Variants in LEO1 observed in about 807,000 individuals in gnomAD.
LEO1 encodes the protein RNA polymerase-associated protein LEO1.
In LEO1, 34 loss-of-function variants were observed where a neutral mutation model predicts 80.4. That is an observed-to-expected ratio of 0.42 (90% CI 0.32 to 0.56). The LOEUF (loss-of-function observed/expected upper bound fraction) is 0.56, where lower values mean the gene tolerates loss of function less well. Ranked by LOEUF, LEO1 falls within the 20% of genes least tolerant of loss-of-function variation. The pLI is 0.10. For synonymous variants in LEO1, 262 were observed against 274.9 expected, an observed-to-expected ratio of 0.95 and a Z score of 0.46; for missense variants, 631 against 814.2, an observed-to-expected ratio of 0.77 and a Z score of 2.74.
At chr15:51,963,751 A>C (rs1010813087) in intron 2 of LEO1, among the ~76,000 whole-genome samples, 1 of 151,924 alleles carries the variant, frequency 6.6e-6, no homozygotes. Context: ...CAAATACAAA[A>C]ATTAGCTGGG....
At chr15:51,960,176 T>C (rs1360704059) in intron 4 of LEO1, 132 bp from the exon 5 acceptor site, 3 of 657,668 alleles carry the variant, frequency 4.6e-6, no homozygotes, top group Non-Finnish European at 7.4e-6. Flanking sequence ...AAGTCCCCAG[T>C]CCCCATCCCA....
intron 10 of LEO1, 53 bp downstream of exon 10, chr15:51,949,755 G>A: frequency 7.1e-7 from 1 of 1,406,984 alleles, no homozygotes; most frequent in Non-Finnish European, 9.9e-7. Context: ...CTAATGCCAA[G>A]ATGAAGTCCA....
intron 1 of LEO1, among the ~76,000 whole-genome samples, chr15:51,967,035 C>A (rs891531279): frequency 6.6e-6 from 1 of 152,028 alleles, no homozygotes; most frequent in Non-Finnish European, 1.5e-5. Flanking sequence ...TACCTCAGTT[C>A]GACTGTCCAA....
intron 6 of LEO1, chr15:51,954,862 C>T (rs1486644587): frequency 3.1e-6 from 1 of 319,894 alleles, no homozygotes; most frequent in Non-Finnish European, 5.8e-6. Flanking sequence ...TGTACACTAA[C>T]CCCGAGATGT....
intron 3 of LEO1, 53 bp downstream of exon 3, chr15:51,962,336 T>G (rs1410677224): frequency 8.2e-7 from 1 of 1,212,720 alleles, no homozygotes; most frequent in East Asian, 2.5e-5. Context: ...GCACTACAGT[T>G]AAATACAGAA....
chr15:51,947,350 C>T lies in LEO1; in HGVS notation c.1838G>A (p.Gly613Glu), dbSNP rs2056910834. 1 of 1,613,578 alleles carries T rather than the reference C, an allele frequency of 6.2e-7. No individual in the cohort carries two copies. Among genetic ancestry groups the T allele is most frequent in the Non-Finnish European group, 8.5e-7 (1 of 1,179,774 alleles). The change falls in exon 11 of 12, where the codon GGA becomes GAA. Residue 613 changes from glycine to glutamate, a missense_variant. This residue lies in a region of LEO1 where 117 missense variants were observed against 163.5 expected (regional missense o/e 0.72). Transcript: ENST00000299601. ...ARIYSSDSDE[G>E]SEEDKAQRLL... ...TCTTTGAGCTTTATCTTCTTCTGAT[C>T]CCTCATCACTGTCTGATGAATAGAT...
intron 4 of LEO1, among the ~76,000 whole-genome samples, 166 bp downstream of exon 4, chr15:51,960,473 C>A (rs1319180194): frequency 6.6e-6 from 1 of 152,168 alleles, no homozygotes; most frequent in Non-Finnish European, 1.5e-5. Flanking sequence ...TATTTCCACT[C>A]CCCCTTATAA....
At chr15:51,940,032 G>A (rs1483732370) in intron 11 of LEO1, among the ~76,000 whole-genome samples, 1 of 152,138 alleles carries the variant, frequency 6.6e-6, no homozygotes, top group Non-Finnish European at 1.5e-5. Context: ...AAGGCGGGCA[G>A]ATCACGAGGT....
intron 7 of LEO1, among the ~76,000 whole-genome samples, chr15:51,953,504 C>T (rs916612741): frequency 6.6e-6 from 1 of 152,048 alleles, no homozygotes; most frequent in Non-Finnish European, 1.5e-5. Flanking sequence ...CCCTGTAGTC[C>T]CAGCCTTCGG....
chr15:51,942,959 A>T (rs1367921337), intron 11 of LEO1, among the ~76,000 whole-genome samples: 1 of 146,320 alleles, frequency 6.8e-6, no homozygotes, highest in Non-Finnish European at 1.5e-5. Context: ...ACAACAAACA[A>T]ATTTTGTCTA....
At chr15:51,942,890 C>T (rs2056866011) in intron 11 of LEO1, among the ~76,000 whole-genome samples, 1 of 148,642 alleles carries the variant, frequency 6.7e-6, no homozygotes, top group Admixed American at 6.8e-5. Context: ...CCACTGCAAT[C>T]CAGCCTGGGC....
Position 51,953,271 on chromosome 15 carries a change from G to A in LEO1, c.1341-8C>T. 1 of 1,611,558 alleles carries A rather than the reference G, an allele frequency of 6.2e-7. No individual in the cohort carries two copies. Among genetic ancestry groups the A allele is most frequent in the Non-Finnish European group, 8.5e-7 (1 of 1,179,138 alleles). On this transcript the variant is annotated splice_polypyrimidine_tract_variant and splice_region_variant and intron_variant, in intron 7 of 11. Coordinates refer to ENST00000299601, the MANE Select transcript of LEO1 (RefSeq NM_138792.4). ...CCTAAATGCAGGGACATGCTGGAAA[G>A]AGAAACATTTCATCTATTAAAGTCA...
rs1413041550 is a variant in LEO1 at position 51,951,867 on chromosome 15, A to C, written c.1588T>G (p.Cys530Gly). The change falls in exon 9 of 12, where the codon TGC becomes GGC. Residue 530 changes from cysteine (C) to glycine (G), a missense_variant. Physicochemically the swap from Cys to Gly is radical, Grantham distance 159. This residue lies in a region of LEO1 where 25 missense variants were observed against 83.5 expected (regional missense o/e 0.30). Coordinates refer to ENST00000299601, the MANE Select transcript of LEO1 (RefSeq NM_138792.4). ...ACCTTAATCATTTCTGTGCGTTGGC[A>C]TTCAGGATCACGACCAGCCATTGGC... ...ILPMAGRDPE[C>G]QRTEMIKKEE... 6.2e-7 allele frequency: 1 copy of C among 1,614,090 alleles called. No homozygotes were observed. The highest frequency in any genetic ancestry group is 1.7e-5 in the Admixed American group (1 of 60,016).
chr15:51,949,054 C>T (rs2056925702), intron 10 of LEO1, among the ~76,000 whole-genome samples: 3 of 151,906 alleles, frequency 2.0e-5, no homozygotes, highest in Non-Finnish European at 4.4e-5. Flanking sequence ...GAGGATCAAA[C>T]AGGATGCATG....
intron 1 of LEO1, among the ~76,000 whole-genome samples, chr15:51,970,267 C>T (rs1237592467): frequency 1.3e-5 from 2 of 152,172 alleles, no homozygotes; most frequent in Non-Finnish European, 1.5e-5. Context: ...AAGTGATTCT[C>T]ATGCCTCAGC....
chr15:51,958,959 A>G (rs889473400), intron 5 of LEO1, 133 bp from the exon 6 acceptor site: 37 of 515,058 alleles, frequency 7.2e-5, no homozygotes, highest in Non-Finnish European at 1.2e-4. Flanking sequence ...ATAATGATCA[A>G]TATCTTCATG....
intron 11 of LEO1, among the ~76,000 whole-genome samples, chr15:51,946,090 T>G (rs1428191733): frequency 6.6e-6 from 1 of 152,116 alleles, no homozygotes; most frequent in Non-Finnish European, 1.5e-5. Flanking sequence ...ATGAAAAAGA[T>G]GCTGTTTAAA....
intron 2 of LEO1, among the ~76,000 whole-genome samples, chr15:51,965,164 G>A (rs1231305530): frequency 6.6e-6 from 1 of 152,136 alleles, no homozygotes; most frequent in Non-Finnish European, 1.5e-5. Context: ...GAAACATATG[G>A]GGTGATAAGG....
chr15:51,966,407 A>G lies in LEO1; in HGVS notation c.156T>C (p.Asp52=). The G allele has an allele frequency of 6.2e-7, 1 of 1,614,174 alleles. No individual in the cohort carries two copies. Among genetic ancestry groups the G allele is most frequent in the Non-Finnish European group, 8.5e-7 (1 of 1,179,980 alleles). ...GSESDQDERG[D]SGQPSNKELF... ...GTTCCTTATTACTTGGTTGTCCTGA[A>G]TCACCTCTTTCATCCTGATCACTTT... Residue 52 remains aspartate, a synonymous_variant, in exon 2 of 12, where the codon GAT becomes GAC. Coordinates refer to ENST00000299601, the MANE Select transcript of LEO1 (RefSeq NM_138792.4).
Sources: allele counts gnomAD v4.1 joint callset (sites outside exome capture counted in the v4.1 genomes callset), GRCh38; gene constraint gnomAD v4.1.1; regional missense constraint gnomAD v4.1.1; transcripts MANE v1.5; gene names NCBI Gene and HGNC (gene_info 2026-07-23, HGNC 2026-07-21).